The following GLRA1 variants were observed in gnomAD, a reference collection of about 807,000 sequenced individuals.
GLRA1 encodes glycine receptor alpha 1.
Under a neutral mutation model 48.3 loss-of-function variants are expected in GLRA1, and 37 were observed. The observed-to-expected ratio is 0.77, with a 90% CI of 0.59 to 1.01. The LOEUF (loss-of-function observed/expected upper bound fraction) is 1.01, where lower values mean the gene tolerates loss of function less well. GLRA1 is among the 50% of genes least tolerant of loss of function. The probability of loss-of-function intolerance (pLI) is 0.00; values close to 1 mark genes in which losing one functional copy is unlikely to be tolerated. For synonymous variants in GLRA1, 196 were observed against 210.7 expected (o/e 0.93, Z 0.60); for missense variants, 427 against 571.0 (o/e 0.75, Z 2.57).
At chr5:151,871,206 A>T (rs1442150855) in intron 3 of GLRA1, among the ~76,000 whole-genome samples, 1 of 149,382 alleles carries the variant, frequency 6.7e-6, no homozygotes, top group Non-Finnish European at 1.5e-5. Context: ...TGAGTGTGGC[A>T]CCATATCTAA....
chr5:151,859,875 G>T lies in GLRA1; in HGVS notation c.386C>A (p.Ala129Asp), dbSNP rs1453397764. The change falls in exon 4 of 9, where the codon GCC (alanine) becomes GAC (aspartate). Residue 129 changes from alanine to aspartate, a missense_variant. By Grantham distance (126) the Ala-to-Asp change is moderately radical (BLOSUM62 -2). Transcript: ENST00000274576. ...ATGGAAGTGGGCCCCCTTCTCGTTG[G>T]CAAAGAACAGGTCAGGTTTCCAGAT... ...DSIWKPDLFF[A>D]NEKGAHFHEI... is the part of the protein sequence containing the mutation. 1.2e-6 allele frequency: 2 copies of T among 1,614,012 alleles called. No homozygotes were observed. Among genetic ancestry groups the T allele is most frequent in the Non-Finnish European group, 1.7e-6 (2 of 1,179,946 alleles).
chr5:151,857,272 T>A, intron 4 of GLRA1, among the ~76,000 whole-genome samples: 1 of 152,178 alleles, frequency 6.6e-6, no homozygotes, highest in East Asian at 1.9e-4. Flanking sequence ...TAATTATGTG[T>A]GTATTTCCAA....
chr5:151,849,104 TTTTCTTTCTTTCTTTC>T (rs201652614), intron 7 of GLRA1: 25 of 117,012 alleles, frequency 2.1e-4, no homozygotes, highest in Middle Eastern at 2.9e-3. Flanking sequence ...ATTTCTTTTC[TTTTCTTTCTTTCTTTC>T]TTTCTTTCTT....
At chr5:151,917,597 ATT>A (rs1754770494) in intron 1 of GLRA1, among the ~76,000 whole-genome samples, 1 of 152,106 alleles carries the variant, frequency 6.6e-6, no homozygotes, top group Admixed American at 6.6e-5. Context: ...TCTTTTATAT[ATT>A]TGTTATTATT....
In GLRA1 at chr5:151,924,625, A is replaced by G. The variant is rs995824748; in HGVS notation, c.-76T>C. The G allele has an allele frequency of 1.3e-5, 12 of 901,228 alleles. No individual in the cohort carries two copies. The African/African-American group carries it at 2.0e-4, about 15-fold the overall frequency. 55.8% of individuals were successfully genotyped at this position (901,228 alleles called of 1,614,324 possible). A position where few individuals can be genotyped will look rare whatever the true frequency, so the allele number is the denominator to read the frequency against. ...TTCAAATTGGCACTTACAAAACCAG[A>G]AAGCGCTATTGCAAAAAATAATCCA... is the stretch of plus-strand genomic sequence containing the variant. On this transcript the variant is annotated 5_prime_UTR_variant, in exon 1 of 9. Transcript: ENST00000274576.
chr5:151,894,727 T>A (rs1234117543), intron 1 of GLRA1, among the ~76,000 whole-genome samples: 2 of 152,246 alleles, frequency 1.3e-5, no homozygotes, highest in African/African-American at 4.8e-5. Context: ...AGTGAATGAA[T>A]GAATGAATAA....
chr5:151,892,242 A>T, intron 2 of GLRA1, 69 bp downstream of exon 2: 2 of 1,449,942 alleles, frequency 1.4e-6, no homozygotes, highest in Middle Eastern at 1.7e-4. Context: ...TGCGTGCATT[A>T]CCATGCTGCT....
At chr5:151,845,367 A>G (rs1752646188) in intron 7 of GLRA1, among the ~76,000 whole-genome samples, 1 of 152,234 alleles carries the variant, frequency 6.6e-6, no homozygotes, top group Non-Finnish European at 1.5e-5. Context: ...TTACAACTCA[A>G]TAAGACAAAT....
chr5:151,826,963 A>G (rs17804214), intron 8 of GLRA1, among the ~76,000 whole-genome samples: 5,011 of 152,044 alleles, frequency 0.033, 362 homozygotes, highest in East Asian at 0.21. Flanking sequence ...CAGCTAGTGT[A>G]TAGGGAAAAT....
At chr5:151,846,757 C>T (rs1308260701) in intron 7 of GLRA1, among the ~76,000 whole-genome samples, 1 of 152,136 alleles carries the variant, frequency 6.6e-6, no homozygotes, top group Non-Finnish European at 1.5e-5. Flanking sequence ...TTGGATCCCT[C>T]ATCATATTTT....
At chr5:151,825,058 A>C (rs1763238204) in intron 8 of GLRA1, among the ~76,000 whole-genome samples, 1 of 152,228 alleles carries the variant, frequency 6.6e-6, no homozygotes, top group Non-Finnish European at 1.5e-5. Context: ...AATCTTGTCC[A>C]ACATCTTCAT....
chr5:151,826,509 C>G (rs1243744511), intron 8 of GLRA1, among the ~76,000 whole-genome samples: 1 of 152,148 alleles, frequency 6.6e-6, no homozygotes, highest in Admixed American at 6.6e-5. Flanking sequence ...TTTTTAGCAC[C>G]TCTCCTGCCT....
chr5:151,851,380 TG>T lies in GLRA1; in HGVS notation c.912+9del. The T allele has an allele frequency of 6.3e-7, 1 of 1,597,702 alleles. No individual in the cohort carries two copies. ...CCAGGTGTTCTGTGCTCTTGGGCAA[TG>T]GGACTTACCTTGGGCAGAGATGCTC... On this transcript the variant is annotated intron_variant, in intron 7 of 8. Transcript: ENST00000274576.
intron 3 of GLRA1, among the ~76,000 whole-genome samples, chr5:151,868,412 A>G (rs1186410654): frequency 1.3e-5 from 2 of 152,220 alleles, no homozygotes; most frequent in African/African-American, 2.4e-5. Context: ...TTATCTTCAC[A>G]ATAACCCTGT....
chr5:151,915,943 A>G (rs1754728524), intron 1 of GLRA1, among the ~76,000 whole-genome samples: 2 of 152,326 alleles, frequency 1.3e-5, no homozygotes, highest in East Asian at 1.9e-4. Context: ...CCAAAGGCCA[A>G]TGAAAAATTT....
At chr5:151,893,344 C>CTTTCTTTA (rs1754144649) in intron 1 of GLRA1, among the ~76,000 whole-genome samples, 2 of 146,506 alleles carry the variant, frequency 1.4e-5, no homozygotes, top group South Asian at 2.2e-4. Flanking sequence ...TTCTTTCTTT[C>CTTTCTTTA]TTTCTTTCTT....
At chr5:151,846,272 A>G (rs551536108) in intron 7 of GLRA1, among the ~76,000 whole-genome samples, 3 of 152,364 alleles carry the variant, frequency 2.0e-5, no homozygotes, top group South Asian at 4.1e-4. Context: ...TTAATAACAT[A>G]TGGAGCCAAA....
chr5:151,875,404 C>A (rs898113105), intron 3 of GLRA1, among the ~76,000 whole-genome samples: 2 of 152,146 alleles, frequency 1.3e-5, no homozygotes, highest in African/African-American at 4.8e-5. Flanking sequence ...GAACTCTTAG[C>A]TTCAAGTGAT....
intron 3 of GLRA1, among the ~76,000 whole-genome samples, chr5:151,867,911 G>A (rs947196178): frequency 2.6e-5 from 4 of 152,212 alleles, no homozygotes; most frequent in Non-Finnish European, 5.9e-5. Context: ...GTGGGGTAAT[G>A]TCACAGTTTG....
Sources: allele counts gnomAD v4.1 joint callset (sites outside exome capture counted in the v4.1 genomes callset), GRCh38; gene constraint gnomAD v4.1.1; transcripts MANE v1.5; gene names NCBI Gene and HGNC (gene_info 2026-07-23, HGNC 2026-07-21).